Variants in ATP12A observed in about 807,000 individuals in gnomAD.
The protein encoded by ATP12A is ATPase H+/K+ transporting non-gastric alpha2 subunit, also known as potassium-transporting ATPase alpha chain 2.
Under a neutral mutation model 111.2 loss-of-function variants are expected in ATP12A, and 81 were observed. The observed-to-expected ratio is 0.73, with a 90% confidence interval of 0.61 to 0.88. The LOEUF is 0.88. Ranked by LOEUF, ATP12A falls within the 40% of genes least tolerant of loss-of-function variation. ATP12A has a pLI of 0.00. For synonymous variants in ATP12A, 498 were observed against 499.8 expected (o/e 1.00, Z 0.05); for missense variants, 1,196 against 1,313.1 (o/e 0.91, Z 1.38).
chr13:24,700,308 C>T (rs1443302914), intron 12 of ATP12A, among the ~76,000 whole-genome samples: 1 of 152,112 alleles, frequency 6.6e-6, no homozygotes, highest in Non-Finnish European at 1.5e-5. Context: ...CCACCTCCAC[C>T]CTCCCTTTTT....
chr13:24,689,251 T>A lies in ATP12A; in HGVS notation c.433-11T>A. ...CTGGTTTCTCTGACTGACGCCCTCC[T>A]TCTCACCCAGGTGTACTTGGGCTGT... On this transcript the variant is annotated splice_polypyrimidine_tract_variant and intron_variant, in intron 4 of 22. Transcript: ENST00000381946. 1 of 1,612,818 alleles carries A rather than the reference T, an allele frequency of 6.2e-7. No homozygotes were observed. Among genetic ancestry groups the A allele is most frequent in the Admixed American group, 1.7e-5 (1 of 60,024 alleles).
At chr13:24,683,423 T>C (rs1224757318) in intron 2 of ATP12A, among the ~76,000 whole-genome samples, 1 of 152,188 alleles carries the variant, frequency 6.6e-6, no homozygotes, top group African/African-American at 2.4e-5. Flanking sequence ...GGGAGTCTCT[T>C]TTGTGCTAGA....
intron 8 of ATP12A, 24 bp from the exon 9 acceptor site, chr13:24,692,405 A>G: frequency 6.2e-7 from 1 of 1,609,488 alleles, no homozygotes; most frequent in African/African-American, 1.3e-5. Flanking sequence ...ATTTTTCCCA[A>G]AGCGTCCTTC....
chr13:24,698,896 G>A lies in ATP12A; in HGVS notation c.1705+46G>A, dbSNP rs767360102. 1.3e-5 allele frequency: 20 copies of A among 1,598,454 alleles called. No individual in the cohort carries two copies. The East Asian group carries it at 2.7e-4, about 21-fold the overall frequency. On this transcript the variant is annotated intron_variant, in intron 12 of 22. Coordinates refer to ENST00000381946, the MANE Select transcript of ATP12A (RefSeq NM_001676.7). ...CTGCCCATCACCTGGTGGGCACAGA[G>A]ATGAGGCAGGCGCCTTGAGGACCTG...
rs899124391 is a variant in ATP12A at position 24,690,331 on chromosome 13, T to C, written c.547-7T>C. 7 of 1,613,110 alleles carry C rather than the reference T, an allele frequency of 4.3e-6. No homozygotes were observed. Among genetic ancestry groups the C allele is most frequent in the Non-Finnish European group, 5.9e-6 (7 of 1,179,838 alleles). Reference sequence around the variant, plus strand: ...TCTGAGGCATCTGTCATGGTTTTTTTCTGCAGCAAGCTCTCGTCATCCGAG... The same window carrying C: ...TCTGAGGCATCTGTCATGGTTTTTTCCTGCAGCAAGCTCTCGTCATCCGAG... On this transcript the variant is annotated splice_region_variant and splice_polypyrimidine_tract_variant and intron_variant, in intron 5 of 22. Transcript: ENST00000381946.
intron 8 of ATP12A, 74 bp downstream of exon 8, chr13:24,691,324 A>T: frequency 6.7e-7 from 1 of 1,501,682 alleles, no homozygotes; most frequent in Non-Finnish European, 8.9e-7. Flanking sequence ...GCGCCCACAC[A>T]AACTGCAATC....
At chr13:24,682,996 G>C (rs990502181) in intron 2 of ATP12A, among the ~76,000 whole-genome samples, 8 of 139,734 alleles carry the variant, frequency 5.7e-5, no homozygotes, top group Non-Finnish European at 1.2e-4. Flanking sequence ...CGCTCTTGTT[G>C]CCCAGGCTGG....
In ATP12A at chr13:24,692,934, A is replaced by C. The variant is rs374909596; in HGVS notation, c.1377+38A>C. ...CAGCACTTGGTCTTAAATCACAGCC[A>C]GTTTGTAGTCACTTGCTGAGGTCTG... On this transcript the variant is annotated intron_variant, in intron 10 of 22. Transcript: ENST00000381946. 4.4e-4 allele frequency: 688 copies of C among 1,578,330 alleles called. 1 individual carries two copies. The highest frequency in any genetic ancestry group is 5.8e-4 in the Non-Finnish European group (667 of 1,148,228).
At chr13:24,701,836 T>C in intron 13 of ATP12A, 99 bp from the exon 14 acceptor site, 1 of 1,488,616 alleles carries the variant, frequency 6.7e-7, no homozygotes, top group Admixed American at 1.8e-5. Flanking sequence ...CCAACCACGT[T>C]CTCCCAGGGC....
At chr13:24,705,431 T>C (rs186284016) in intron 14 of ATP12A, among the ~76,000 whole-genome samples, 1 of 152,316 alleles carries the variant, frequency 6.6e-6, no homozygotes, top group Admixed American at 6.5e-5. Flanking sequence ...TGAAGAGTTT[T>C]AGCAGGGGAC....
In ATP12A at chr13:24,680,683, C is replaced by A; in HGVS notation, c.-61C>A. On this transcript the variant is annotated 5_prime_UTR_variant, in exon 1 of 23. Coordinates refer to ENST00000381946, the MANE Select transcript of ATP12A (RefSeq NM_001676.7). ...CACACGAGGCCCCCCACCGTGCGCT[C>A]CGCCGCTGCGGTCCCGGATCCGCGC... The A allele has an allele frequency of 1.3e-6, 2 of 1,498,294 alleles. No individual in the cohort carries two copies. Among genetic ancestry groups the A allele is most frequent in the South Asian group, 1.2e-5 (1 of 80,956 alleles). 92.8% of individuals were successfully genotyped at this position (1,498,294 alleles called of 1,614,324 possible).
rs1246072637 is a variant in ATP12A, at chr13:24,711,829, T to G, written c.*307T>G. ...TTGAAACTCCTTGATGTTAATAGTC[T>G]TGTGTAACCCAGGCATCTACTGGGG... On this transcript the variant is annotated 3_prime_UTR_variant, in exon 23 of 23. Transcript: ENST00000381946. 1 of 432,726 alleles carries G rather than the reference T, an allele frequency of 2.3e-6. No homozygotes were observed. Among genetic ancestry groups the G allele is most frequent in the African/African-American group, 2.0e-5 (1 of 49,858 alleles). 26.8% of individuals were successfully genotyped at this position (432,726 alleles called of 1,614,324 possible).
At position 24,692,873 on chromosome 13, in the gene ATP12A, C is replaced by G; in HGVS notation, c.1354C>G (p.Gln452Glu). The G allele has an allele frequency of 6.2e-7, 1 of 1,614,122 alleles. No homozygotes were observed. The highest frequency in any genetic ancestry group is 8.5e-7 in the Non-Finnish European group (1 of 1,179,972). Residue 452 changes from glutamine (Q) to glutamate (E), a missense_variant, in exon 10 of 23, where the codon CAG becomes GAG. By Grantham distance (29) the Gln-to-Glu change is conservative. Transcript: ENST00000381946. ...LCNRAEFKPG[Q>E]ENVPIMKKAV... ...TAACCGAGCAGAGTTCAAGCCAGGA[C>G]AGGAAAATGTCCCCATCATGAAGGT...
Position 24,709,779 on chromosome 13 carries a change from G to A in ATP12A, c.2714G>A (p.Trp905Ter). 1 of 1,614,216 alleles carries A rather than the reference G, an allele frequency of 6.2e-7. No homozygotes were observed. Among genetic ancestry groups the A allele is most frequent in the Non-Finnish European group, 8.5e-7 (1 of 1,180,030 alleles). Residue 905 changes from tryptophan to a stop codon, truncating the protein, a stop_gained, in exon 19 of 23, where the codon TGG becomes TAG. Transcript: ENST00000381946. LOFTEE classifies it high-confidence loss of function. Reference sequence around the variant, plus strand: ...ACTCTCATTAACCTGCGGGTAGAATGGGAGAAGGACTACGTGAATGACTTG... The same window carrying A: ...ACTCTCATTAACCTGCGGGTAGAATAGGAGAAGGACTACGTGAATGACTTG... ...PRTLINLRVEWEKDYVNDLKD... is the reference protein window; with the variant it reads ...PRTLINLRVE
intron 11 of ATP12A, among the ~76,000 whole-genome samples, chr13:24,697,397 A>G (rs777593820): frequency 7.9e-5 from 12 of 152,088 alleles, no homozygotes; most frequent in Admixed American, 1.3e-4. Context: ...ACTTTGGGAG[A>G]TCGAAGAAGG....
chr13:24,707,761 C>T (rs1486284790), intron 17 of ATP12A, among the ~76,000 whole-genome samples: 19 of 152,200 alleles, frequency 1.2e-4, no homozygotes, highest in Non-Finnish European at 1.3e-4. Flanking sequence ...TCACTGCAAC[C>T]TCCGCCTCCC....
At chr13:24,699,034 G>C (rs575878547) in intron 12 of ATP12A, among the ~76,000 whole-genome samples, 184 bp downstream of exon 12, 2 of 152,196 alleles carry the variant, frequency 1.3e-5, no homozygotes, top group Admixed American at 1.3e-4. Flanking sequence ...GGGTGGGATG[G>C]CCTCCAGAGA....
intron 21 of ATP12A, 53 bp downstream of exon 21, chr13:24,710,946 G>A: frequency 6.6e-7 from 1 of 1,515,226 alleles, no homozygotes; most frequent in Non-Finnish European, 9.1e-7. Context: ...GCTTTGAGCT[G>A]TCGCAGCCTA....
At chr13:24,690,926 C>A in intron 7 of ATP12A, 56 bp from the exon 8 acceptor site, 1 of 1,601,570 alleles carries the variant, frequency 6.2e-7, no homozygotes, top group East Asian at 2.2e-5. Flanking sequence ...TGCAAGCTGG[C>A]TGCACACCCC....
Sources: allele counts gnomAD v4.1 joint callset (sites outside exome capture counted in the v4.1 genomes callset), GRCh38; gene constraint gnomAD v4.1.1; transcripts MANE v1.5; gene names NCBI Gene and HGNC (gene_info 2026-07-23, HGNC 2026-07-21).